The following POLR1D variants were observed in gnomAD, a reference collection of about 807,000 sequenced individuals.
POLR1D encodes the protein RNA polymerase I and III subunit D.
In POLR1D, 8 loss-of-function variants were observed where a neutral mutation model predicts 10.8. The observed-to-expected ratio is 0.74, with a 90% CI of 0.43 to 1.33. The LOEUF (loss-of-function observed/expected upper bound fraction) is 1.33, where lower values mean the gene tolerates loss of function less well. POLR1D is among the 40% of genes most tolerant of loss of function. The pLI, the probability that POLR1D is intolerant of heterozygous loss-of-function variation, is 0.01. For missense variants in POLR1D, 152 were observed against 161.7 expected (o/e 0.94, Z 0.32); for synonymous variants, 54 against 57.2 (o/e 0.94, Z 0.25).
intron 2 of POLR1D, among the ~76,000 whole-genome samples, chr13:27,655,290 AAATT>A (rs1956298505): frequency 6.6e-6 from 1 of 152,208 alleles, no homozygotes; most frequent in Non-Finnish European, 1.5e-5. Context: ...AACCATGTGA[AAATT>A]AATTGTAGGC....
intron 1 of POLR1D, among the ~76,000 whole-genome samples, chr13:27,643,661 A>G: frequency 6.6e-6 from 1 of 152,184 alleles, no homozygotes; most frequent in East Asian, 1.9e-4. Context: ...TCGAGTAGAT[A>G]GTTCCATTTT....
chr13:27,660,417 T>C (rs1956352914), intron 2 of POLR1D, among the ~76,000 whole-genome samples: 1 of 152,212 alleles, frequency 6.6e-6, no homozygotes, highest in African/African-American at 2.4e-5. Flanking sequence ...TGAAGTGCAC[T>C]GCATGGAAAC....
rs528297415 is a variant in POLR1D at position 27,659,925 on chromosome 13, T to TATATAC, written c.102-5760_102-5759insTATACA. On this transcript the variant is annotated intron_variant, in intron 2 of 2. Transcript: ENST00000399697. ...TCAGGTGTATATATATATATATATA[T>TATATAC]ACACACACATACACACACACACATA... is the stretch of plus-strand genomic sequence containing the variant. Among the ~76,000 whole-genome samples, 117 of 149,458 alleles carry TATATAC rather than the reference T, an allele frequency of 7.8e-4. No individual in the cohort carries two copies. The East Asian group carries it at 9.7e-3, about 12-fold the overall frequency.
rs532799859 is a variant in POLR1D at position 27,659,197 on chromosome 13, A to G, written c.102-6489A>G. On this transcript the variant is annotated intron_variant, in intron 2 of 2. Transcript: ENST00000399697. ...TTTATTTATTTATATAAATATTCAC[A>G]GGGCACCAGCAGGTATGTTAAGAGG... Among the ~76,000 whole-genome samples the G allele has an allele frequency of 2.6e-5, 4 of 152,338 alleles. No homozygotes were observed. In the South Asian group the frequency reaches 8.3e-4, roughly 32 times the overall value.
chr13:27,642,053 C>T (rs901182218), intron 1 of POLR1D, among the ~76,000 whole-genome samples: 1 of 152,100 alleles, frequency 6.6e-6, no homozygotes, highest in African/African-American at 2.4e-5. Flanking sequence ...CAACACTAGG[C>T]GCTGTCATCT....
At chr13:27,653,649 T>C (rs1327646332) in intron 2 of POLR1D, among the ~76,000 whole-genome samples, 2 of 152,294 alleles carry the variant, frequency 1.3e-5, no homozygotes, top group East Asian at 3.9e-4. Context: ...GTGGGTTATA[T>C]CTATCAATAC....
At chr13:27,624,727 AAAAT>A (rs1411063917), downstream of POLR1D, among the ~76,000 whole-genome samples, 2 of 152,184 alleles carry the variant, frequency 1.3e-5, no homozygotes, top group East Asian at 3.9e-4. Context: ...TCTCTACAAA[AAAAT>A]AAAAAAGGTA....
intron 1 of POLR1D, among the ~76,000 whole-genome samples, chr13:27,639,367 C>T (rs2138543495): frequency 6.6e-6 from 1 of 152,230 alleles, no homozygotes; most frequent in Non-Finnish European, 1.5e-5. Context: ...CAGATCTGCT[C>T]TTCCTGTTAT....
Position 27,623,090 on chromosome 13 carries a change from A to G in POLR1D, c.242A>G (p.Asn81Ser). The G allele has an allele frequency of 6.2e-7, 1 of 1,614,174 alleles. No homozygotes were observed. Among genetic ancestry groups the G allele is most frequent in the South Asian group, 1.1e-5 (1 of 91,082 alleles). The stretch of plus-strand genomic sequence containing the variant: ...ACCCATCCTTCAGAGAGCAAAATTA[A>G]TTTACGCATTCAGACTCGAGGTACC... ...TTTHPSESKINLRIQTRGTLP... is the reference protein window; with the variant it reads ...TTTHPSESKISLRIQTRGTLP... The change falls in exon 2 of 2, where the codon AAT becomes AGT. Residue 81 changes from asparagine to serine, a missense_variant. Asn to Ser is a conservative substitution (Grantham distance 46). Coordinates refer to ENST00000302979, the MANE Select transcript of POLR1D (RefSeq NM_015972.4).
intron 2 of POLR1D, among the ~76,000 whole-genome samples, chr13:27,659,925 T>TACAC (rs1555273998): frequency 3.3e-5 from 5 of 149,384 alleles, no homozygotes; most frequent in South Asian, 4.2e-4. Flanking sequence ...TATATATATA[T>TACAC]ACACACACAT....
chr13:27,625,354 T>C (rs1955998752), downstream of POLR1D, among the ~76,000 whole-genome samples: 1 of 152,010 alleles, frequency 6.6e-6, no homozygotes, highest in Admixed American at 6.5e-5. Context: ...GGGTAGAAGC[T>C]AGTGATGGAG....
intron 1 of POLR1D, 96 bp from the exon 2 acceptor site, chr13:27,622,779 T>C (rs1566140514): frequency 2.6e-6 from 2 of 756,336 alleles, no homozygotes; most frequent in East Asian, 5.4e-5. Flanking sequence ...AGTAGATTAA[T>C]AATAATGTGT....
At chr13:27,660,931 A>G (rs1225895466) in intron 2 of POLR1D, 6 of 152,336 alleles carry the variant, frequency 3.9e-5, no homozygotes, top group South Asian at 2.1e-4. Context: ...TGTGTCTTCA[A>G]CGTACCCTGT....
downstream of POLR1D, among the ~76,000 whole-genome samples, chr13:27,628,340 G>A (rs368692948): frequency 1.1e-4 from 17 of 152,344 alleles, no homozygotes; most frequent in South Asian, 1.2e-3. Flanking sequence ...GGATACGGCA[G>A]TGAACAAGTT....
intron 2 of POLR1D, among the ~76,000 whole-genome samples, chr13:27,649,402 A>G (rs1167250673): frequency 6.6e-6 from 1 of 152,204 alleles, no homozygotes; most frequent in African/African-American, 2.4e-5. Context: ...ATGGAAAGAA[A>G]CTATTTCAGG....
chr13:27,630,738 A>G (rs565811749), intron 1 of POLR1D, among the ~76,000 whole-genome samples: 75 of 152,368 alleles, frequency 4.9e-4, no homozygotes, highest in Non-Finnish European at 1.0e-3. Context: ...ATACTCAAAC[A>G]TTAGCTATTG....
intron 2 of POLR1D, chr13:27,650,530 C>T (rs571162236): frequency 6.5e-6 from 1 of 154,816 alleles, no homozygotes; most frequent in South Asian, 2.1e-4. Context: ...ACCAGCTCCA[C>T]CCTAAACAAA....
intron 1 of POLR1D, among the ~76,000 whole-genome samples, chr13:27,638,872 C>T (rs1252596667): frequency 6.6e-6 from 1 of 152,034 alleles, no homozygotes; most frequent in African/African-American, 2.4e-5. Flanking sequence ...TTATCAAAAA[C>T]AGTACACCTA....
chr13:27,650,056 A>G (rs1956252358), intron 2 of POLR1D: 3 of 398,502 alleles, frequency 7.5e-6, no homozygotes, highest in Non-Finnish European at 1.3e-5. Context: ...TTACAGGGAC[A>G]AGATACAAAC....
Sources: gnomAD v4.1 joint callset for allele counts (sites outside exome capture counted in the v4.1 genomes callset) on GRCh38, gnomAD v4.1.1 for gene constraint, MANE v1.5 for transcripts, NCBI Gene and HGNC (gene_info 2026-07-23, HGNC 2026-07-21) for gene names.